COL5A1: variants seen among roughly 807,000 people sequenced by gnomAD.
COL5A1 encodes collagen alpha-1(V) chain.
A neutral mutation model predicts 263.7 loss-of-function variants in COL5A1; 16 were observed. That is an observed-to-expected ratio of 0.06 (90% CI 0.04 to 0.09). The LOEUF is 0.09. COL5A1 is among the 10% of genes least tolerant of loss of function. The probability of loss-of-function intolerance (pLI) is 1.00; values close to 1 mark genes in which losing one functional copy is unlikely to be tolerated. For missense variants in COL5A1, 2,036 were observed against 2,540.5 expected, an observed-to-expected ratio of 0.80 and a Z score of 4.27; for synonymous variants, 1,012 against 1,004.5, an observed-to-expected ratio of 1.01 and a Z score of -0.14.
chr9:134,825,760 T>C (rs1416932794), intron 62 of COL5A1, 32 bp from the exon 63 acceptor site: 2 of 1,444,932 alleles, frequency 1.4e-6, no homozygotes, highest in Non-Finnish European at 9.7e-7. Context: ...CTTCTGACTC[T>C]GCCTGCCTCC....
intron 11 of COL5A1, among the ~76,000 whole-genome samples, chr9:134,747,731 G>A (rs1459057056): frequency 8.5e-6 from 1 of 117,396 alleles, no homozygotes; most frequent in African/African-American, 3.4e-5. Flanking sequence ...GCAGACACAT[G>A]CACACATGCA....
chr9:134,803,203 A>G (rs1200801070), intron 39 of COL5A1, among the ~76,000 whole-genome samples: 1 of 152,148 alleles, frequency 6.6e-6, no homozygotes, highest in African/African-American at 2.4e-5. Context: ...ATGGGCTTGA[A>G]GGGGGAGCGC....
intron 11 of COL5A1, among the ~76,000 whole-genome samples, chr9:134,747,015 C>T (rs557418000): frequency 6.6e-6 from 1 of 152,314 alleles, no homozygotes; most frequent in East Asian, 1.9e-4. Context: ...CGTTAGAGAC[C>T]ACAGGGCTTG....
intron 34 of COL5A1, among the ~76,000 whole-genome samples, chr9:134,795,872 C>T (rs1481200850): frequency 6.6e-6 from 1 of 152,220 alleles, no homozygotes; most frequent in East Asian, 1.9e-4. Flanking sequence ...ATGAGTCTTC[C>T]AAGGGCTGAG....
At position 134,678,730 on chromosome 9, in the gene COL5A1, T is replaced by C. The variant is rs764869460; in HGVS notation, c.110-12182T>C. ...AAGTGATCCACCAGGACTCTCGCAG[T>C]GCAGACAAAATGAAACTGGCCCTCG... On this transcript the variant is annotated intron_variant, in intron 1 of 65. Transcript: ENST00000371817. The surrounding 1 kb of genome is among the most constrained non-coding windows in gnomAD (Gnocchi z 5.5). 2.6e-5 allele frequency among the ~76,000 whole-genome samples: 4 copies of C among 152,230 alleles called. No homozygotes were observed. Among genetic ancestry groups the C allele is most frequent in the Admixed American group, 2.6e-4 (4 of 15,288 alleles).
In COL5A1 at chr9:134,745,735, T is replaced by C. The variant is rs202197565; in HGVS notation, c.1495-4807T>C. On this transcript the variant is annotated intron_variant, in intron 11 of 65. Transcript: ENST00000371817. ...GATCCTCGGACAATTGATGACCAAC[T>C]TGGGGTTTAAAGCAACAGGAATGTC... Among the ~76,000 whole-genome samples, 336 of 152,214 alleles carry C rather than the reference T, an allele frequency of 2.2e-3. 1 individual carries two copies. The highest frequency in any genetic ancestry group is 7.6e-3 in the African/African-American group (316 of 41,536).
At chr9:134,793,945 T>G (rs1008960581) in intron 32 of COL5A1, among the ~76,000 whole-genome samples, 26 of 152,196 alleles carry the variant, frequency 1.7e-4, no homozygotes, top group African/African-American at 6.0e-4. Flanking sequence ...CAGTTTTGAC[T>G]CTGGCAGCAA....
intron 7 of COL5A1, 128 bp from the exon 8 acceptor site, chr9:134,731,368 C>G (rs1204067013): frequency 1.0e-6 from 1 of 963,204 alleles, no homozygotes; most frequent in African/African-American, 1.6e-5. Flanking sequence ...GGTGCCAGCA[C>G]AGGGCCTGAT....
chr9:134,658,202 C>T (rs1449918419), intron 1 of COL5A1, among the ~76,000 whole-genome samples: 4 of 152,088 alleles, frequency 2.6e-5, no homozygotes, highest in Non-Finnish European at 5.9e-5. Context: ...ACCCTACAAC[C>T]GTGGTGGTGG....
intron 1 of COL5A1, among the ~76,000 whole-genome samples, chr9:134,664,539 G>A (rs189112764): frequency 2.0e-5 from 3 of 152,342 alleles, no homozygotes; most frequent in Admixed American, 6.5e-5. Context: ...CACATGGCAA[G>A]TTCTCAGGAA....
chr9:134,695,174 C>T (rs1833414856), intron 2 of COL5A1, among the ~76,000 whole-genome samples: 1 of 152,174 alleles, frequency 6.6e-6, no homozygotes, highest in Admixed American at 6.5e-5. Flanking sequence ...CCGTACCCCT[C>T]TTCAGACCAG....
chr9:134,791,582 G>A (rs1837692029), intron 32 of COL5A1, among the ~76,000 whole-genome samples: 1 of 151,802 alleles, frequency 6.6e-6, no homozygotes, highest in Non-Finnish European at 1.5e-5. Context: ...TCCACAGGAA[G>A]CTGAGGGCTG....
At chr9:134,830,175 T>C in intron 64 of COL5A1, 131 bp downstream of exon 64, 1 of 1,609,166 alleles carries the variant, frequency 6.2e-7, no homozygotes, top group Non-Finnish European at 8.5e-7. Context: ...CGGGGGTCCC[T>C]GGTAAGTGGC....
At chr9:134,816,668 G>T (rs753007910) in intron 52 of COL5A1, among the ~76,000 whole-genome samples, 18 of 152,230 alleles carry the variant, frequency 1.2e-4, no homozygotes, top group Non-Finnish European at 2.4e-4. Flanking sequence ...ACCACTTCCC[G>T]GCCTGTGTCC....
chr9:134,842,079 G>T lies in COL5A1; in HGVS notation c.5371-78G>T. 6.4e-7 allele frequency: 1 copy of T among 1,565,494 alleles called. No individual in the cohort carries two copies. The highest frequency in any genetic ancestry group is 8.8e-7 in the Non-Finnish European group (1 of 1,137,734). On this transcript the variant is annotated intron_variant, in intron 65 of 65. Coordinates refer to ENST00000371817, the MANE Select transcript of COL5A1 (RefSeq NM_000093.5). The surrounding 1 kb of genome is among the most constrained non-coding windows in gnomAD (Gnocchi z 5.8). The stretch of plus-strand genomic sequence containing the variant: ...CCAGCCTGGGTTTTGGAGCCAGACA[G>T]ATTGTGGGGGGTGATTGGTAAACCC...
At chr9:134,832,024 G>A (rs1839654961) in intron 64 of COL5A1, among the ~76,000 whole-genome samples, 1 of 152,176 alleles carries the variant, frequency 6.6e-6, no homozygotes, top group African/African-American at 2.4e-5. Flanking sequence ...CAGCACTTTG[G>A]GAGGCTCAGG....
chr9:134,693,388 G>A (rs550335889), intron 2 of COL5A1, among the ~76,000 whole-genome samples: 41 of 152,272 alleles, frequency 2.7e-4, no homozygotes, highest in Admixed American at 5.2e-4. Flanking sequence ...AATAGTCTGC[G>A]GGATTTTTTT....
chr9:134,813,122 C>T (rs1314016103), intron 48 of COL5A1, among the ~76,000 whole-genome samples: 1 of 151,960 alleles, frequency 6.6e-6, no homozygotes, highest in African/African-American at 2.4e-5. Context: ...GAATTATTTT[C>T]TCAAATGGGT....
At chr9:134,816,031 T>C in intron 52 of COL5A1, 43 bp downstream of exon 52, 2 of 1,599,846 alleles carry the variant, frequency 1.3e-6, no homozygotes, top group Middle Eastern at 1.7e-4. Flanking sequence ...GAGGTGTCAG[T>C]GTATTCTTGG....
Sources: gnomAD v4.1 joint callset for allele counts (sites outside exome capture counted in the v4.1 genomes callset) on GRCh38, gnomAD v4.1.1 for gene constraint, Gnocchi (gnomAD v3.1) non-coding constraint, MANE v1.5 for transcripts, NCBI Gene and HGNC (gene_info 2026-07-23, HGNC 2026-07-21) for gene names.